DOK5: variants seen among roughly 807,000 people sequenced by gnomAD.
DOK5 encodes the protein downstream of tyrosine kinase 5.
Under a neutral mutation model 43.3 loss-of-function variants are expected in DOK5, and 27 were observed. The observed-to-expected ratio is 0.62, with a 90% CI of 0.46 to 0.86. DOK5 has a LOEUF of 0.86. Ranked by LOEUF, DOK5 falls within the 40% of genes least tolerant of loss-of-function variation. DOK5 has a pLI of 0.00. For synonymous variants in DOK5, 146 were observed against 140.1 expected, an observed-to-expected ratio of 1.04 and a Z score of -0.30; for missense variants, 373 against 392.9, an observed-to-expected ratio of 0.95 and a Z score of 0.43.
At chr20:54,526,134 A>G (rs1425007277) in intron 1 of DOK5, among the ~76,000 whole-genome samples, 1 of 133,870 alleles carries the variant, frequency 7.5e-6, no homozygotes, top group Non-Finnish European at 1.5e-5. Flanking sequence ...GTAAACCAAG[A>G]TTTTTCTTTT....
intron 6 of DOK5, among the ~76,000 whole-genome samples, chr20:54,642,010 C>G (rs775046703): frequency 2.6e-5 from 4 of 152,172 alleles, no homozygotes; most frequent in Non-Finnish European, 4.4e-5. Flanking sequence ...TCACTTCTTA[C>G]ACAATGGCAT....
intron 1 of DOK5, among the ~76,000 whole-genome samples, chr20:54,547,159 G>T (rs1480685846): frequency 6.6e-6 from 1 of 152,158 alleles, no homozygotes; most frequent in Non-Finnish European, 1.5e-5. Flanking sequence ...TTATTGGAAG[G>T]TATCCACACT....
At chr20:54,479,179 A>G (rs1483170539) in intron 1 of DOK5, among the ~76,000 whole-genome samples, 1 of 152,212 alleles carries the variant, frequency 6.6e-6, no homozygotes, top group Non-Finnish European at 1.5e-5. Flanking sequence ...AAGAGTTTAA[A>G]TGATTAAGCA....
intron 6 of DOK5, among the ~76,000 whole-genome samples, chr20:54,643,031 T>C (rs1339616316): frequency 6.6e-6 from 1 of 152,226 alleles, no homozygotes; most frequent in Non-Finnish European, 1.5e-5. Flanking sequence ...TTCTGCACTC[T>C]GGGGATAGAT....
At chr20:54,649,011 A>C (rs1293638058) in intron 7 of DOK5, among the ~76,000 whole-genome samples, 1 of 152,184 alleles carries the variant, frequency 6.6e-6, no homozygotes, top group African/African-American at 2.4e-5. Context: ...AACAAGAAAA[A>C]CTAGGCACCT....
chr20:54,508,337 A>T (rs1266147101), intron 1 of DOK5, among the ~76,000 whole-genome samples: 2 of 151,214 alleles, frequency 1.3e-5, no homozygotes, highest in African/African-American at 4.9e-5. Flanking sequence ...AAGTTTCATT[A>T]TTTTTTTCTT....
intron 1 of DOK5, among the ~76,000 whole-genome samples, chr20:54,489,122 C>T (rs1446364566): frequency 2.6e-5 from 4 of 152,138 alleles, no homozygotes; most frequent in South Asian, 2.1e-4. Flanking sequence ...TTTAGAATTT[C>T]TCATAGTTGT....
intron 6 of DOK5, 83 bp from the exon 7 acceptor site, chr20:54,643,375 A>C: frequency 1.3e-6 from 2 of 1,555,040 alleles, no homozygotes; most frequent in Non-Finnish European, 1.7e-6. Flanking sequence ...TGGTTCTTTT[A>C]CTCCATGCTC....
chr20:54,626,359 C>T (rs552309980), intron 6 of DOK5, among the ~76,000 whole-genome samples: 29 of 152,328 alleles, frequency 1.9e-4, no homozygotes, highest in African/African-American at 6.7e-4. Context: ...TGAGTGGCTC[C>T]ATCTGGCTCT....
intron 1 of DOK5, among the ~76,000 whole-genome samples, chr20:54,529,699 G>A (rs140239704): frequency 7.0e-4 from 107 of 152,166 alleles, no homozygotes; most frequent in African/African-American, 2.4e-3. Flanking sequence ...GAGAATTCCC[G>A]TACCCATTAA....
chr20:54,647,630 T>A (rs1979499899), intron 7 of DOK5, among the ~76,000 whole-genome samples: 1 of 152,096 alleles, frequency 6.6e-6, no homozygotes, highest in African/African-American at 2.4e-5. Flanking sequence ...AGCAGTTACA[T>A]CAGTAGCATT....
intron 6 of DOK5, 28 bp from the exon 7 acceptor site, chr20:54,643,430 C>G: frequency 6.2e-7 from 1 of 1,611,030 alleles, no homozygotes. Context: ...GTGTTGCTGA[C>G]GCACAACTTT....
At chr20:54,591,219 G>A (rs991748445) in intron 4 of DOK5, among the ~76,000 whole-genome samples, 3 of 152,068 alleles carry the variant, frequency 2.0e-5, no homozygotes, top group Non-Finnish European at 2.9e-5. Flanking sequence ...TAATTGTTTT[G>A]CACCTGCATC....
In DOK5 at chr20:54,610,432, A is replaced by G. The variant is rs1469698190; in HGVS notation, c.644A>G (p.Asp215Gly). 2 of 1,600,232 alleles carry G rather than the reference A, an allele frequency of 1.2e-6. No homozygotes were observed. The highest frequency in any genetic ancestry group is 2.3e-5 in the East Asian group (1 of 44,140). The part of the protein sequence containing the change: ...GEGLFIFQTR[D>G]GEAIYQKVHS... Reference sequence around the variant, plus strand: ...GGGCTGTTTATCTTTCAGACCCGAGACGGGGAGGCCATCTATCAGAAAGTC... The same window carrying G: ...GGGCTGTTTATCTTTCAGACCCGAGGCGGGGAGGCCATCTATCAGAAAGTC... The change falls in exon 6 of 8, where the codon GAC becomes GGC. Residue 215 changes from aspartate to glycine, a missense_variant. By Grantham distance (94) the Asp-to-Gly change is moderately conservative. Transcript: ENST00000262593.
At chr20:54,585,896 C>T (rs1320700811) in intron 2 of DOK5, among the ~76,000 whole-genome samples, 1 of 152,128 alleles carries the variant, frequency 6.6e-6, no homozygotes, top group Non-Finnish European at 1.5e-5. Context: ...CTGAGGCGGG[C>T]AGATCACCTG....
intron 1 of DOK5, among the ~76,000 whole-genome samples, chr20:54,517,674 A>AC (rs1453834636): frequency 3.3e-5 from 5 of 151,886 alleles, no homozygotes; most frequent in Middle Eastern, 3.2e-3. Flanking sequence ...ATATTTATGC[A>AC]CCCCCCGCTC....
At chr20:54,560,226 T>C (rs557466370) in intron 2 of DOK5, among the ~76,000 whole-genome samples, 1 of 152,372 alleles carries the variant, frequency 6.6e-6, no homozygotes, top group East Asian at 1.9e-4. Context: ...GTCTATAATA[T>C]GTCTTTTCAA....
intron 2 of DOK5, among the ~76,000 whole-genome samples, chr20:54,565,887 G>A (rs1259086443): frequency 6.6e-6 from 1 of 151,902 alleles, no homozygotes; most frequent in African/African-American, 2.4e-5. Flanking sequence ...GCGTGGTGGT[G>A]TGTGCCTGTA....
chr20:54,478,921 C>T (rs550581705), intron 1 of DOK5, among the ~76,000 whole-genome samples: 4 of 152,214 alleles, frequency 2.6e-5, no homozygotes, highest in South Asian at 2.1e-4. Context: ...TGTACAAAGG[C>T]ATAAATGTTT....
Sources: gnomAD v4.1 joint callset for allele counts (sites outside exome capture counted in the v4.1 genomes callset) on GRCh38, gnomAD v4.1.1 for gene constraint, MANE v1.5 for transcripts, NCBI Gene and HGNC (gene_info 2026-07-23, HGNC 2026-07-21) for gene names.